GALNT17: variants seen among roughly 807,000 people sequenced by gnomAD.
GALNT17 encodes polypeptide N-acetylgalactosaminyltransferase 17.
In GALNT17, 29 loss-of-function variants were observed where a neutral mutation model predicts 63.7. The observed-to-expected ratio is 0.46, with a 90% CI of 0.34 to 0.62. GALNT17 has a LOEUF of 0.62. GALNT17 is among the 20% of genes least tolerant of loss of function. The probability of loss-of-function intolerance (pLI) is 0.01; values close to 1 mark genes in which losing one functional copy is unlikely to be tolerated. For missense variants in GALNT17, 603 were observed against 799.6 expected (o/e 0.75, Z 2.97); for synonymous variants, 305 against 318.3 (o/e 0.96, Z 0.45).
chr7:71,329,455 T>C (rs1791763290), intron 1 of GALNT17, among the ~76,000 whole-genome samples: 1 of 152,158 alleles, frequency 6.6e-6, no homozygotes, highest in African/African-American at 2.4e-5. Flanking sequence ...AGCTTTACAG[T>C]GGAGCGTGTC....
intron 5 of GALNT17, among the ~76,000 whole-genome samples, chr7:71,456,749 A>G (rs1583971130): frequency 1.3e-5 from 2 of 152,222 alleles, no homozygotes; most frequent in Non-Finnish European, 2.9e-5. Flanking sequence ...ACAGATTTCA[A>G]CCATTTTAGA....
intron 2 of GALNT17, among the ~76,000 whole-genome samples, chr7:71,355,418 G>A (rs977060555): frequency 6.6e-6 from 1 of 152,018 alleles, no homozygotes; most frequent in African/African-American, 2.4e-5. Flanking sequence ...CTTTAACTTC[G>A]GTTTGTATTT....
intron 3 of GALNT17, among the ~76,000 whole-genome samples, chr7:71,409,324 A>G (rs1021311629): frequency 3.3e-5 from 5 of 152,160 alleles, no homozygotes; most frequent in African/African-American, 4.8e-5. Flanking sequence ...GAGCCACCCA[A>G]TATGCACTTA....
intron 3 of GALNT17, among the ~76,000 whole-genome samples, chr7:71,413,946 T>C (rs561718121): frequency 6.6e-6 from 1 of 152,156 alleles, no homozygotes; most frequent in Non-Finnish European, 1.5e-5. Context: ...CTAGACTTTA[T>C]AAATCATTTT....
intron 1 of GALNT17, among the ~76,000 whole-genome samples, chr7:71,150,196 A>G (rs1788103863): frequency 6.6e-6 from 1 of 152,132 alleles, no homozygotes; most frequent in African/African-American, 2.4e-5. Flanking sequence ...GAGTTCCTGG[A>G]AGGGAAAGAA....
In GALNT17 at chr7:71,632,762, C is replaced by T. The variant is rs533583165; in HGVS notation, c.1081-32649C>T. 3.9e-5 allele frequency among the ~76,000 whole-genome samples: 6 copies of T among 152,210 alleles called. No homozygotes were observed. In the East Asian group the frequency reaches 5.8e-4, roughly 15 times the overall value. Reference sequence around the variant, plus strand: ...TTTCAACTTCTGACATTTTGCTCACCGTGGATTTTCTGCATGATTTTTGAT... The same window carrying T: ...TTTCAACTTCTGACATTTTGCTCACTGTGGATTTTCTGCATGATTTTTGAT... On this transcript the variant is annotated intron_variant, in intron 6 of 10. Transcript: ENST00000333538.
intron 6 of GALNT17, among the ~76,000 whole-genome samples, chr7:71,662,113 C>T (rs2117039595): frequency 6.6e-6 from 1 of 152,236 alleles, no homozygotes; most frequent in African/African-American, 2.4e-5. Flanking sequence ...GACATAGTGC[C>T]AAGTCAGACT....
intron 6 of GALNT17, among the ~76,000 whole-genome samples, chr7:71,664,801 G>A (rs1790959317): frequency 6.6e-6 from 1 of 152,116 alleles, no homozygotes; most frequent in Non-Finnish European, 1.5e-5. Context: ...AAACTCATGT[G>A]TTGCCATGGG....
chr7:71,591,723 C>T (rs541006718), intron 6 of GALNT17, among the ~76,000 whole-genome samples: 172 of 152,144 alleles, frequency 1.1e-3, no homozygotes, highest in African/African-American at 4.0e-3. Flanking sequence ...AGTGCAGTGG[C>T]GTGATCTCGG....
At chr7:71,248,929 C>T (rs564382836) in intron 1 of GALNT17, among the ~76,000 whole-genome samples, 1 of 152,236 alleles carries the variant, frequency 6.6e-6, no homozygotes, top group East Asian at 1.9e-4. Context: ...ATCTTCTTGC[C>T]TCTTCTCTAC....
intron 1 of GALNT17, among the ~76,000 whole-genome samples, chr7:71,138,982 TAAATA>T (rs556506053): frequency 1.1e-4 from 17 of 152,106 alleles, no homozygotes; most frequent in Non-Finnish European, 2.2e-4. Context: ...CTCAAATAAA[TAAATA>T]AAATAAAAAA....
At chr7:71,583,162 GCGACTCA>G (rs1337682787) in intron 6 of GALNT17, among the ~76,000 whole-genome samples, 3 of 152,026 alleles carry the variant, frequency 2.0e-5, no homozygotes, top group Admixed American at 1.3e-4. Flanking sequence ...TAGCAGGATC[GCGACTCA>G]CTGCAACCTC....
intron 1 of GALNT17, among the ~76,000 whole-genome samples, chr7:71,269,334 G>A (rs951258779): frequency 3.9e-5 from 6 of 152,160 alleles, no homozygotes; most frequent in East Asian, 1.9e-4. Flanking sequence ...GGGCATGGTG[G>A]TGCACACCTG....
At chr7:71,534,370 C>T (rs981589958) in intron 5 of GALNT17, among the ~76,000 whole-genome samples, 9 of 151,860 alleles carry the variant, frequency 5.9e-5, no homozygotes, top group Non-Finnish European at 1.0e-4. Flanking sequence ...GAGGCCGAGG[C>T]GGGCAGATCA....
chr7:71,157,007 A>C (rs1160383086), intron 1 of GALNT17, among the ~76,000 whole-genome samples: 1 of 151,672 alleles, frequency 6.6e-6, no homozygotes, highest in African/African-American at 2.4e-5. Flanking sequence ...CCCAGGCTGG[A>C]GTGCCCTGGC....
At chr7:71,374,705 T>G (rs1036135774) in intron 2 of GALNT17, among the ~76,000 whole-genome samples, 10 of 122,426 alleles carry the variant, frequency 8.2e-5, no homozygotes, top group African/African-American at 3.5e-4. Context: ...GCTCAATCTC[T>G]CTGGCAGTTC....
chr7:71,209,364 C>A (rs1789334108), intron 1 of GALNT17, among the ~76,000 whole-genome samples: 1 of 152,118 alleles, frequency 6.6e-6, no homozygotes, highest in Admixed American at 6.6e-5. Context: ...TATATAGGCT[C>A]ACATAATCTT....
intron 5 of GALNT17, among the ~76,000 whole-genome samples, chr7:71,505,697 G>A (rs552289399): frequency 6.6e-6 from 1 of 152,188 alleles, no homozygotes; most frequent in African/African-American, 2.4e-5. Context: ...TGCTTCTCCT[G>A]CCATGTCCAG....
intron 5 of GALNT17, among the ~76,000 whole-genome samples, chr7:71,479,905 G>A (rs1787786087): frequency 1.3e-5 from 2 of 152,184 alleles, no homozygotes; most frequent in Admixed American, 1.3e-4. Flanking sequence ...GTCTTCTTCT[G>A]TGATCATGGC....
Sources: gnomAD v4.1 joint callset for allele counts (sites outside exome capture counted in the v4.1 genomes callset) on GRCh38, gnomAD v4.1.1 for gene constraint, MANE v1.5 for transcripts, NCBI Gene and HGNC (gene_info 2026-07-23, HGNC 2026-07-21) for gene names.